Variants in MTMR14 observed in about 807,000 individuals in gnomAD.
The protein encoded by MTMR14 is phosphatidylinositol-3,5-bisphosphate 3-phosphatase MTMR14.
In MTMR14, 48 loss-of-function variants were observed where a neutral mutation model predicts 86.3. The ratio of observed to expected loss-of-function variants is 0.56; its 90% CI spans 0.44 to 0.71. MTMR14 has a LOEUF of 0.71. Ranked by LOEUF, MTMR14 falls within the 30% of genes least tolerant of loss-of-function variation. The pLI, the probability that MTMR14 is intolerant of heterozygous loss-of-function variation, is 0.00. For missense variants in MTMR14, 780 were observed against 834.6 expected, an observed-to-expected ratio of 0.93 and a Z score of 0.81; for synonymous variants, 366 against 326.1, an observed-to-expected ratio of 1.12 and a Z score of -1.32.
intron 17 of MTMR14, among the ~76,000 whole-genome samples, chr3:9,695,753 G>A (rs546095525): frequency 6.6e-6 from 1 of 152,184 alleles, no homozygotes; most frequent in Non-Finnish European, 1.5e-5. Flanking sequence ...CTGGTTTTTA[G>A]CTGTTGTTTT....
chr3:9,650,291 C>A (rs752994079), intron 1 of MTMR14: 6 of 456,540 alleles, frequency 1.3e-5, no homozygotes, highest in South Asian at 9.3e-5. Flanking sequence ...AGCAGGTCTC[C>A]GTTCCTCTTT....
At chr3:9,681,481 A>G (rs551021819) in intron 9 of MTMR14, among the ~76,000 whole-genome samples, 1 of 152,298 alleles carries the variant, frequency 6.6e-6, no homozygotes, top group East Asian at 1.9e-4. Flanking sequence ...CCTACATTAC[A>G]GTTTTTACCA....
chr3:9,677,451 C>A lies in MTMR14; in HGVS notation c.822+64C>A. The A allele has an allele frequency of 7.1e-7, 1 of 1,412,246 alleles. No individual in the cohort carries two copies. Among genetic ancestry groups the A allele is most frequent in the Non-Finnish European group, 1.0e-6 (1 of 996,682 alleles). The allele number at this position is 1,412,246 out of a possible 1,614,324, so 87.5% of individuals were successfully genotyped here. Reference sequence around the variant, plus strand: ...CTTTGTAAAGGGAGGCCAAGGAGAACAACAAGCAGTCTTTGGGGAAAACAA... The same window carrying A: ...CTTTGTAAAGGGAGGCCAAGGAGAAAAACAAGCAGTCTTTGGGGAAAACAA... On this transcript the variant is annotated intron_variant, in intron 8 of 18. Transcript: ENST00000296003. This position sits in a 1 kb window ranked among gnomAD's most constrained non-coding sequence, Gnocchi z 4.2.
At position 9,649,526 on chromosome 3, in the gene MTMR14, G is replaced by A; in HGVS notation, c.-58G>A. 1.3e-6 allele frequency: 2 copies of A among 1,502,300 alleles called. No homozygotes were observed. Among genetic ancestry groups the A allele is most frequent in the Non-Finnish European group, 1.8e-6 (2 of 1,128,572 alleles). 93.1% of individuals were successfully genotyped at this position (1,502,300 alleles called of 1,614,324 possible). ...CCGGAGGTTCTAGTGTCGGAGTTGG[G>A]TGCAGGCAGGTGCCATGGGCCCGCT... is the stretch of plus-strand genomic sequence containing the variant. On this transcript the variant is annotated 5_prime_UTR_variant, in exon 1 of 19. The change creates a new upstream start codon in the 5' untranslated region. Transcript: ENST00000296003.
At chr3:9,695,093 G>A (rs2076246157) in intron 17 of MTMR14, among the ~76,000 whole-genome samples, 1 of 152,152 alleles carries the variant, frequency 6.6e-6, no homozygotes, top group African/African-American at 2.4e-5. Flanking sequence ...TGCTGCTCAG[G>A]GCAAAAGACT....
chr3:9,660,371 G>A (rs148067371), intron 2 of MTMR14, among the ~76,000 whole-genome samples: 197 of 152,142 alleles, frequency 1.3e-3, no homozygotes, highest in African/African-American at 4.5e-3. Context: ...CAGTTCTCCT[G>A]CCTCAGCCTC....
intron 17 of MTMR14, among the ~76,000 whole-genome samples, chr3:9,695,428 A>G (rs779542697): frequency 6.6e-6 from 1 of 152,102 alleles, no homozygotes; most frequent in Non-Finnish European, 1.5e-5. Flanking sequence ...TTGCTGAGAG[A>G]TGCTTCTGTC....
intron 1 of MTMR14, among the ~76,000 whole-genome samples, chr3:9,650,946 G>A (rs969836036): frequency 2.0e-5 from 3 of 151,884 alleles, no homozygotes; most frequent in Non-Finnish European, 2.9e-5. Context: ...CCACCACCAC[G>A]CCCAGCTAAT....
intron 2 of MTMR14, among the ~76,000 whole-genome samples, chr3:9,654,067 AGT>A (rs1013721976): frequency 2.0e-5 from 3 of 151,958 alleles, no homozygotes; most frequent in African/African-American, 2.4e-5. Context: ...TTTTTTAGAG[AGT>A]GTGAGTGGGA....
chr3:9,686,364 C>G (rs1430775030), intron 13 of MTMR14, among the ~76,000 whole-genome samples: 1 of 152,190 alleles, frequency 6.6e-6, no homozygotes, highest in African/African-American at 2.4e-5. Flanking sequence ...ACAAAGCAGA[C>G]CAGATCTGCC....
intron 6 of MTMR14, 98 bp from the exon 7 acceptor site, chr3:9,672,587 G>T (rs764708214): frequency 2.2e-5 from 24 of 1,074,232 alleles, no homozygotes; most frequent in Non-Finnish European, 2.8e-5. Flanking sequence ...GTTTTTTTTA[G>T]CAGAAGCTTC....
rs1158644564 is a variant in MTMR14, at chr3:9,688,961, A to C, written c.1312A>C (p.Ser438Arg). ...ICMLRRKDRG[S>R]TTSLGSDFSL... ...TCTTTTAGGACGAAAGGACCGTGGC[A>C]GCACCACCAGCCTTGGCAGCGACTT... is the stretch of plus-strand genomic sequence containing the variant. The change falls in exon 16 of 19, where the codon AGC becomes CGC. Residue 438 changes from serine (S) to arginine (R), a missense_variant. By Grantham distance (110) the Ser-to-Arg change is moderately radical. Transcript: ENST00000296003. 1 of 1,614,024 alleles carries C rather than the reference A, an allele frequency of 6.2e-7. No individual in the cohort carries two copies. Among genetic ancestry groups the C allele is most frequent in the East Asian group, 2.2e-5 (1 of 44,880 alleles).
In MTMR14 at chr3:9,690,900, T is replaced by C. The variant is rs147890658; in HGVS notation, c.1613+757T>C. Among the ~76,000 whole-genome samples the C allele has an allele frequency of 5.4e-3, 826 of 152,338 alleles. 5 individuals carry two copies. Among genetic ancestry groups the C allele is most frequent in the African/African-American group, 0.019 (772 of 41,578 alleles). On this transcript the variant is annotated intron_variant, in intron 17 of 18. Coordinates refer to ENST00000296003, the MANE Select transcript of MTMR14 (RefSeq NM_001077525.3). ...AGGGAAAAAGGGGCATTTAGAAGAATGGGCATGAGCTTTGGCATCCATCCC... is the reference window on the plus strand; with the variant it reads ...AGGGAAAAAGGGGCATTTAGAAGAACGGGCATGAGCTTTGGCATCCATCCC...
chr3:9,697,750 A>G lies in MTMR14; in HGVS notation c.1653A>G (p.Thr551=). ...CCCTGCCCGGATCCTCTCTCTCCAC[A>G]GACTATGGCAGCTGGCAGATGGTAA... ...DHPLPGSSLS[T]DYGSWQMVTG... is the part of the protein sequence containing the mutation. Residue 551 remains threonine, a synonymous_variant, in exon 18 of 19, where the codon ACA becomes ACG. Transcript: ENST00000296003. The G allele has an allele frequency of 6.2e-7, 1 of 1,614,052 alleles. No individual in the cohort carries two copies. Among genetic ancestry groups the G allele is most frequent in the Middle Eastern group, 1.6e-4 (1 of 6,062 alleles).
intron 9 of MTMR14, among the ~76,000 whole-genome samples, chr3:9,680,433 C>T (rs537004382): frequency 6.6e-6 from 1 of 152,348 alleles, no homozygotes; most frequent in South Asian, 2.1e-4. Context: ...ACTGTCACCC[C>T]TGCCTTAAAA....
At chr3:9,696,840 A>G (rs2076294893) in intron 17 of MTMR14, among the ~76,000 whole-genome samples, 1 of 152,216 alleles carries the variant, frequency 6.6e-6, no homozygotes. Context: ...TCAAGCATCA[A>G]AGATGATGTC....
At chr3:9,685,373 G>A (rs2075907138) in intron 13 of MTMR14, 126 bp downstream of exon 13, 1 of 1,171,534 alleles carries the variant, frequency 8.5e-7, no homozygotes, top group Admixed American at 1.8e-5. Context: ...GTGGCCCCCT[G>A]TCATCTCCTC....
In MTMR14 at chr3:9,653,711, C is replaced by T. The variant is rs1162011740; in HGVS notation, c.250C>T (p.His84Tyr). 9 of 1,614,026 alleles carry T rather than the reference C, an allele frequency of 5.6e-6. No individual in the cohort carries two copies. Among genetic ancestry groups the T allele is most frequent in the Non-Finnish European group, 7.6e-6 (9 of 1,180,034 alleles). Residue 84 changes from histidine to tyrosine, a missense_variant, in exon 2 of 19, where the codon CAC becomes TAC. Transcript: ENST00000296003. ...AAACACGAATGGGGATATCTGTGGCCACTATCCCCGGCACATCGTGTTCCT... is the reference window on the plus strand; with the variant it reads ...AAACACGAATGGGGATATCTGTGGCTACTATCCCCGGCACATCGTGTTCCT... ...IPNTNGDICG[H>Y]YPRHIVFLEY... is the part of the protein sequence containing the mutation.
chr3:9,688,880 A>C, intron 15 of MTMR14, 64 bp from the exon 16 acceptor site: 1 of 1,612,154 alleles, frequency 6.2e-7, no homozygotes, highest in Middle Eastern at 1.7e-4. Flanking sequence ...TGTGGTATAG[A>C]AAAGGTGGGG....
Sources: gnomAD v4.1 joint callset for allele counts (sites outside exome capture counted in the v4.1 genomes callset) on GRCh38, gnomAD v4.1.1 for gene constraint, Gnocchi (gnomAD v3.1) non-coding constraint, MANE v1.5 for transcripts, NCBI Gene and HGNC (gene_info 2026-07-23, HGNC 2026-07-21) for gene names.